Variants in CLSTN2 observed in about 807,000 individuals in gnomAD.
The protein encoded by CLSTN2 is calsyntenin 2, also known as calsyntenin-2.
In CLSTN2, 48 loss-of-function variants were observed where a neutral mutation model predicts 101.2. That is an observed-to-expected ratio of 0.47 (90% CI 0.38 to 0.60). The LOEUF (loss-of-function observed/expected upper bound fraction) is 0.60. Among genes scored for constraint, CLSTN2 ranks in the 20% least tolerant of loss-of-function variants. CLSTN2 has a pLI of 0.00. For synonymous variants in CLSTN2, 481 were observed against 463.6 expected, an observed-to-expected ratio of 1.04 and a Z score of -0.48; for missense variants, 1,160 against 1,238.2, an observed-to-expected ratio of 0.94 and a Z score of 0.95.
chr3:140,141,401 C>G (rs1231081543), intron 1 of CLSTN2, among the ~76,000 whole-genome samples: 8 of 152,140 alleles, frequency 5.3e-5, no homozygotes, highest in African/African-American at 1.9e-4. Flanking sequence ...TGGCACTACT[C>G]GGAAGAAGGC....
At chr3:140,445,677 CA>C (rs1933060079) in intron 5 of CLSTN2, among the ~76,000 whole-genome samples, 1 of 152,132 alleles carries the variant, frequency 6.6e-6, no homozygotes, top group African/African-American at 2.4e-5. Context: ...GGATCAGTAC[CA>C]GAGAAGCTGC....
chr3:140,331,025 C>A (rs1303896411), intron 2 of CLSTN2, among the ~76,000 whole-genome samples: 1 of 152,154 alleles, frequency 6.6e-6, no homozygotes, highest in African/African-American at 2.4e-5. Context: ...AGGTCATCTG[C>A]AAGCTGGGGA....
At chr3:140,315,570 CA>C (rs1221332453) in intron 2 of CLSTN2, among the ~76,000 whole-genome samples, 1 of 152,166 alleles carries the variant, frequency 6.6e-6, no homozygotes, top group Non-Finnish European at 1.5e-5. Context: ...CCACGTGGGC[CA>C]AATGTGAGAC....
intron 8 of CLSTN2, among the ~76,000 whole-genome samples, chr3:140,488,567 A>G (rs539359640): frequency 1.3e-5 from 2 of 148,226 alleles, no homozygotes; most frequent in African/African-American, 4.9e-5. Flanking sequence ...AGATAGACAG[A>G]TGACTGACTG....
intron 2 of CLSTN2, among the ~76,000 whole-genome samples, chr3:140,359,369 C>A (rs1020350216): frequency 6.6e-6 from 1 of 152,188 alleles, no homozygotes; most frequent in Non-Finnish European, 1.5e-5. Flanking sequence ...CTATGCTTAA[C>A]TAGCTCTTCT....
At chr3:140,131,103 C>G (rs1288397156) in intron 1 of CLSTN2, among the ~76,000 whole-genome samples, 1 of 151,930 alleles carries the variant, frequency 6.6e-6, no homozygotes, top group African/African-American at 2.4e-5. Context: ...TCCATTGGAT[C>G]TTAACCACTT....
At chr3:140,526,359 G>A (rs1188881889) in intron 8 of CLSTN2, among the ~76,000 whole-genome samples, 1 of 151,978 alleles carries the variant, frequency 6.6e-6, no homozygotes, top group Non-Finnish European at 1.5e-5. Flanking sequence ...TCTAACCAAG[G>A]AGGTAAAAGA....
chr3:140,339,156 C>A (rs935688311), intron 2 of CLSTN2, among the ~76,000 whole-genome samples: 1 of 152,160 alleles, frequency 6.6e-6, no homozygotes, highest in Non-Finnish European at 1.5e-5. Context: ...GTTCTCAGAA[C>A]GTTGGTACCT....
chr3:140,387,374 T>C (rs1034158348), intron 2 of CLSTN2, among the ~76,000 whole-genome samples: 1 of 152,222 alleles, frequency 6.6e-6, no homozygotes, highest in Non-Finnish European at 1.5e-5. Context: ...TGGCTTATTT[T>C]CTTGGCAACA....
At chr3:140,536,002 T>C (rs1352555449) in intron 9 of CLSTN2, among the ~76,000 whole-genome samples, 2 of 136,594 alleles carry the variant, frequency 1.5e-5, no homozygotes, top group Non-Finnish European at 3.2e-5. Flanking sequence ...GAATGCTGCG[T>C]TCCCCTTACT....
Position 140,021,486 on chromosome 3 carries a change from G to A in CLSTN2, c.109+86003G>A, listed in dbSNP as rs139390692. Among the ~76,000 whole-genome samples, 13 of 152,268 alleles carry A rather than the reference G, an allele frequency of 8.5e-5. No individual in the cohort carries two copies. The East Asian group carries it at 2.5e-3, about 29-fold the overall frequency. ...TAGCTCCCAGACACCAGCAAGCCCT[G>A]TCCTGTTAGAAACTTCCCCTGTCAG... On this transcript the variant is annotated intron_variant, in intron 1 of 16. Coordinates refer to ENST00000458420, the MANE Select transcript of CLSTN2 (RefSeq NM_022131.3).
intron 2 of CLSTN2, among the ~76,000 whole-genome samples, chr3:140,226,784 C>T (rs2086324388): frequency 6.6e-6 from 1 of 152,048 alleles, no homozygotes; most frequent in Non-Finnish European, 1.5e-5. Context: ...CCAATCAAGG[C>T]AGAAGTCAAC....
At chr3:140,182,164 C>A (rs562774157) in intron 2 of CLSTN2, among the ~76,000 whole-genome samples, 3 of 152,296 alleles carry the variant, frequency 2.0e-5, no homozygotes, top group South Asian at 2.1e-4. Flanking sequence ...CAGTAAGCAA[C>A]AACATCAAGC....
At chr3:140,228,960 T>C (rs534532394) in intron 2 of CLSTN2, among the ~76,000 whole-genome samples, 19 of 152,352 alleles carry the variant, frequency 1.2e-4, no homozygotes, top group African/African-American at 4.6e-4. Context: ...GAGATTAAAG[T>C]TGACCACTTG....
intron 2 of CLSTN2, among the ~76,000 whole-genome samples, chr3:140,338,244 AGTG>A (rs1005498447): frequency 2.0e-5 from 3 of 152,124 alleles, no homozygotes; most frequent in Admixed American, 2.0e-4. Flanking sequence ...TAAGAAACTT[AGTG>A]ATAGATCTCC....
intron 1 of CLSTN2, among the ~76,000 whole-genome samples, chr3:140,014,372 C>T (rs770046129): frequency 3.3e-5 from 5 of 152,058 alleles, no homozygotes; most frequent in Non-Finnish European, 5.9e-5. Flanking sequence ...GTGCATGCTA[C>T]CATGCCTGGC....
At chr3:140,374,881 G>A (rs1269729634) in intron 2 of CLSTN2, among the ~76,000 whole-genome samples, 1 of 152,218 alleles carries the variant, frequency 6.6e-6, no homozygotes, top group Non-Finnish European at 1.5e-5. Flanking sequence ...TTTGAGAGAA[G>A]GAAGTTGGTC....
intron 4 of CLSTN2, among the ~76,000 whole-genome samples, chr3:140,407,140 C>T (rs112920553): frequency 1.2e-4 from 18 of 152,284 alleles, no homozygotes; most frequent in African/African-American, 3.4e-4. Flanking sequence ...GACACAGAGA[C>T]GGCTCCCATT....
At chr3:140,343,325 C>G (rs936525117) in intron 2 of CLSTN2, among the ~76,000 whole-genome samples, 1 of 152,158 alleles carries the variant, frequency 6.6e-6, no homozygotes, top group South Asian at 2.1e-4. Context: ...GCTCTGAGAA[C>G]CTTTTAATTC....
Sources: allele counts gnomAD v4.1 joint callset (sites outside exome capture counted in the v4.1 genomes callset), GRCh38; gene constraint gnomAD v4.1.1; transcripts MANE v1.5; gene names NCBI Gene and HGNC (gene_info 2026-07-23, HGNC 2026-07-21).